SULF1: variants seen among roughly 807,000 people sequenced by gnomAD.
SULF1 encodes the protein sulfatase 1.
Under a neutral mutation model 110.5 loss-of-function variants are expected in SULF1, and 46 were observed. That is an observed-to-expected ratio of 0.42 (90% CI 0.33 to 0.53). The LOEUF (loss-of-function observed/expected upper bound fraction) is 0.53, where lower values mean the gene tolerates loss of function less well. Ranked by LOEUF, SULF1 falls within the 20% of genes least tolerant of loss-of-function variation. The pLI, the probability that SULF1 is intolerant of heterozygous loss-of-function variation, is 0.12. For missense variants in SULF1, 941 were observed against 1,094.2 expected, an observed-to-expected ratio of 0.86 and a Z score of 1.98; for synonymous variants, 371 against 387.1, an observed-to-expected ratio of 0.96 and a Z score of 0.49.
intron 7 of SULF1, among the ~76,000 whole-genome samples, chr8:69,587,895 T>C (rs538657916): frequency 6.6e-6 from 1 of 152,338 alleles, no homozygotes; most frequent in South Asian, 2.1e-4. Context: ...TATCTTTTTT[T>C]AGTGAGGAAA....
At chr8:69,638,130 A>C (rs1811194609) in intron 19 of SULF1, 1 of 207,960 alleles carries the variant, frequency 4.8e-6, no homozygotes, top group African/African-American at 2.4e-5. Context: ...TCTTTATTAA[A>C]TAACCATTTT....
chr8:69,640,246 G>C (rs1469501332), intron 21 of SULF1, among the ~76,000 whole-genome samples: 2 of 152,202 alleles, frequency 1.3e-5, no homozygotes, highest in Non-Finnish European at 2.9e-5. Flanking sequence ...CCAACCATTA[G>C]AGGCACTAGA....
At chr8:69,505,216 C>A (rs1758507219) in intron 3 of SULF1, among the ~76,000 whole-genome samples, 1 of 152,150 alleles carries the variant, frequency 6.6e-6, no homozygotes, top group African/African-American at 2.4e-5. Flanking sequence ...TTAAATTTCA[C>A]AGCTTGGGGG....
At chr8:69,656,092 T>G (rs981879353) in intron 22 of SULF1, among the ~76,000 whole-genome samples, 2 of 149,508 alleles carry the variant, frequency 1.3e-5, no homozygotes, top group African/African-American at 4.9e-5. Context: ...GCCTTGATAC[T>G]TGAAGGAGAT....
chr8:69,601,701 C>A lies in SULF1; in HGVS notation c.933C>A (p.Ile311=). 1 of 1,613,392 alleles carries A rather than the reference C, an allele frequency of 6.2e-7. No homozygotes were observed. The highest frequency in any genetic ancestry group is 8.5e-7 in the Non-Finnish European group (1 of 1,179,752). The stretch of plus-strand genomic sequence containing the variant: ...CGGGGGAGCTGGAGAATACTTACAT[C>A]ATTTACACCGCCGACCATGGTTACC... ...VETGELENTY[I]IYTADHGYHI... The change falls in exon 10 of 23, where the codon ATC becomes ATA. Residue 311 remains isoleucine (I), a synonymous_variant. Transcript: ENST00000402687.
chr8:69,489,799 A>G (rs1230056653), upstream of SULF1, among the ~76,000 whole-genome samples: 1 of 151,878 alleles, frequency 6.6e-6, no homozygotes, highest in Non-Finnish European at 1.5e-5. Context: ...GATGGTCTCC[A>G]TTTCCTGACC....
intron 15 of SULF1, among the ~76,000 whole-genome samples, chr8:69,626,819 C>T (rs1056840984): frequency 6.6e-6 from 1 of 152,270 alleles, no homozygotes; most frequent in Non-Finnish European, 1.5e-5. Flanking sequence ...CCCGCAAGCA[C>T]CGCAGGCAGC....
intron 22 of SULF1, among the ~76,000 whole-genome samples, chr8:69,656,293 AT>A (rs1161953317): frequency 2.6e-5 from 4 of 152,060 alleles, no homozygotes; most frequent in Non-Finnish European, 4.4e-5. Context: ...TTTCCACTTT[AT>A]TTTTGTTGTT....
At chr8:69,492,551 C>G (rs1809995703), upstream of SULF1, among the ~76,000 whole-genome samples, 1 of 152,198 alleles carries the variant, frequency 6.6e-6, no homozygotes, top group Non-Finnish European at 1.5e-5. Context: ...GTGTCGGGTG[C>G]TCAGGGAGCC....
intron 3 of SULF1, among the ~76,000 whole-genome samples, chr8:69,520,387 C>T (rs1051984632): frequency 1.3e-5 from 2 of 151,968 alleles, no homozygotes; most frequent in Non-Finnish European, 2.9e-5. Flanking sequence ...TTCTAGTTAC[C>T]TTCAGCAAGT....
intron 15 of SULF1, among the ~76,000 whole-genome samples, chr8:69,624,830 G>A (rs573084523): frequency 6.6e-6 from 1 of 152,280 alleles, no homozygotes; most frequent in African/African-American, 2.4e-5. Context: ...TTTGTTCTTT[G>A]GCTCCATCCA....
Position 69,576,025 on chromosome 8 carries a change from C to T in SULF1, c.228C>T (p.Thr76=). Reference sequence around the variant, plus strand: ...AGATTATGGAACATGGGGGGGCCACCTTCATCAATGCCTTTGTGACTACAC... The same window carrying T: ...AGATTATGGAACATGGGGGGGCCACTTTCATCAATGCCTTTGTGACTACAC... ...TRKIMEHGGA[T]FINAFVTTPM... Residue 76 remains threonine, a synonymous_variant, in exon 6 of 23, where the codon ACC becomes ACT. Transcript: ENST00000402687. 6.2e-7 allele frequency: 1 copy of T among 1,614,130 alleles called. No homozygotes were observed. Among genetic ancestry groups the T allele is most frequent in the Non-Finnish European group, 8.5e-7 (1 of 1,180,008 alleles).
intron 3 of SULF1, among the ~76,000 whole-genome samples, chr8:69,539,990 A>G (rs1813753622): frequency 6.6e-6 from 1 of 152,252 alleles, no homozygotes; most frequent in Non-Finnish European, 1.5e-5. Flanking sequence ...ACAGAAGGCA[A>G]AAAGACCATT....
At chr8:69,497,560 T>A (rs769138782) in intron 2 of SULF1, among the ~76,000 whole-genome samples, 9 of 152,184 alleles carry the variant, frequency 5.9e-5, no homozygotes, top group Non-Finnish European at 2.9e-5. Context: ...TCTAAATGTG[T>A]GTATGTGTAA....
chr8:69,609,733 G>A (rs73686106), intron 13 of SULF1, among the ~76,000 whole-genome samples: 4,925 of 152,190 alleles, frequency 0.032, 277 homozygotes, highest in African/African-American at 0.11. Context: ...CACCACTCAC[G>A]GTGGTTCTCA....
intron 13 of SULF1, among the ~76,000 whole-genome samples, chr8:69,609,396 G>A (rs1359715373): frequency 1.3e-5 from 2 of 152,156 alleles, no homozygotes; most frequent in Non-Finnish European, 2.9e-5. Context: ...TCACCTGGGT[G>A]GCACTTGAAA....
intron 8 of SULF1, among the ~76,000 whole-genome samples, chr8:69,590,143 C>T (rs1806784074): frequency 2.0e-5 from 3 of 152,100 alleles, no homozygotes; most frequent in African/African-American, 7.2e-5. Flanking sequence ...CACTATACAT[C>T]CCTAGAGAAG....
intron 8 of SULF1, among the ~76,000 whole-genome samples, chr8:69,595,675 C>T (rs1807251955): frequency 6.6e-6 from 1 of 152,114 alleles, no homozygotes; most frequent in Non-Finnish European, 1.5e-5. Context: ...GATGGTTCTG[C>T]TACCAGTAAT....
intron 13 of SULF1, among the ~76,000 whole-genome samples, chr8:69,607,774 A>G (rs1181571214): frequency 6.6e-6 from 1 of 152,224 alleles, no homozygotes; most frequent in African/African-American, 2.4e-5. Flanking sequence ...TTAAAAAAGG[A>G]AGAAGAAAAT....
Sources: gnomAD v4.1 joint callset for allele counts (sites outside exome capture counted in the v4.1 genomes callset) on GRCh38, gnomAD v4.1.1 for gene constraint, MANE v1.5 for transcripts, NCBI Gene and HGNC (gene_info 2026-07-23, HGNC 2026-07-21) for gene names.